Variants in HUWE1 observed in about 807,000 individuals in gnomAD.
HUWE1 encodes the protein E3 ubiquitin-protein ligase HUWE1.
In HUWE1, 18 loss-of-function variants were observed where a neutral mutation model predicts 299.4. The ratio of observed to expected loss-of-function variants is 0.06; its 90% CI spans 0.04 to 0.09. The LOEUF is 0.09. HUWE1 is among the 10% of genes least tolerant of loss of function. HUWE1 has a pLI of 1.00. For synonymous variants in HUWE1, 1,317 were observed against 1,286.1 expected, an observed-to-expected ratio of 1.02 and a Z score of -0.51; for missense variants, 1,832 against 3,462.3, an observed-to-expected ratio of 0.53 and a Z score of 11.82.
intron 28 of HUWE1, among the ~76,000 whole-genome samples, chrX:53,601,652 A>G (rs2064849992): frequency 9.8e-6 from 1 of 101,748 alleles, no homozygotes; most frequent in Non-Finnish European, 2.0e-5. Flanking sequence ...ATTTCTACTT[A>G]CTGAAATTTG....
At chrX:53,594,706 A>G (rs113395709) in intron 30 of HUWE1, 85 bp from the exon 31 acceptor site, 61 of 975,345 alleles carry the variant, frequency 6.3e-5, no homozygotes, top group Non-Finnish European at 8.2e-5. Context: ...AGGCAAGAGT[A>G]AAATTTACAC....
chrX:53,569,732 G>A lies in HUWE1; in HGVS notation c.6408C>T (p.Leu2136=), dbSNP rs782752450. The A allele has an allele frequency of 1.9e-5, 23 of 1,210,560 alleles. No homozygotes were observed. Among genetic ancestry groups the A allele is most frequent in the South Asian group, 1.6e-4 (9 of 56,855 alleles). The part of the protein sequence containing the change: ...KDTPALARLF[L]ASLAAAGSGT... ...CACTCCCTGCAGCAGCCAGGCTTGCGAGGAACAGGCGGGCCAAGGCAGGGG... is the reference window on the plus strand; with the variant it reads ...CACTCCCTGCAGCAGCCAGGCTTGCAAGGAACAGGCGGGCCAAGGCAGGGG... The change falls in exon 48 of 84, where the codon CTC becomes CTT. Residue 2136 remains leucine (L), a synonymous_variant. Transcript: ENST00000262854.
intron 60 of HUWE1, among the ~76,000 whole-genome samples, chrX:53,555,554 T>C (rs1192373849): frequency 4.5e-5 from 5 of 110,445 alleles, no homozygotes; most frequent in Non-Finnish European, 9.5e-5. Flanking sequence ...CTCAAACTCC[T>C]AAGCTCTAGC....
chrX:53,558,775 G>C lies in HUWE1; in HGVS notation c.8040C>G (p.Phe2680Leu). The C allele has an allele frequency of 8.3e-7, 1 of 1,211,312 alleles. No individual in the cohort carries two copies. Among genetic ancestry groups the C allele is most frequent in the Non-Finnish European group, 1.1e-6 (1 of 895,248 alleles). The change falls in exon 59 of 84, where the codon TTC becomes TTG. Residue 2680 changes from phenylalanine to leucine, a missense_variant. Phe to Leu is a conservative substitution (Grantham distance 22). Coordinates refer to ENST00000262854, the MANE Select transcript of HUWE1 (RefSeq NM_031407.7). Reference sequence around the variant, plus strand: ...TTTCTTCCAGCTCCTCATCCCTCAGGAATTCCAGGTGATTGACAATGGACA... The same window carrying C: ...TTTCTTCCAGCTCCTCATCCCTCAGCAATTCCAGGTGATTGACAATGGACA... Reference protein sequence around the residue: ...VKVSIVNHLEFLRDEELEERR... With the variant: ...VKVSIVNHLELLRDEELEERR...
intron 55 of HUWE1, among the ~76,000 whole-genome samples, chrX:53,561,233 G>A (rs1176740211): frequency 8.9e-6 from 1 of 111,947 alleles, no homozygotes; most frequent in Non-Finnish European, 1.9e-5. Context: ...TTGATTCTAA[G>A]AACTCGATTC....
At chrX:53,683,297 A>G (rs966293376) in intron 2 of HUWE1, among the ~76,000 whole-genome samples, 4 of 111,011 alleles carry the variant, frequency 3.6e-5, no homozygotes, top group Admixed American at 1.9e-4. Context: ...GAGGAGGAGT[A>G]CACCAGTGAC....
intron 23 of HUWE1, among the ~76,000 whole-genome samples, chrX:53,611,766 G>A (rs1306135387): frequency 9.1e-6 from 1 of 109,412 alleles, no homozygotes; most frequent in African/African-American, 3.3e-5. Context: ...GCTAAGGACC[G>A]AGAACTGCTT....
intron 63 of HUWE1, 136 bp downstream of exon 63, chrX:53,552,175 C>A (rs938584459): frequency 5.8e-6 from 4 of 691,649 alleles, no homozygotes; most frequent in Non-Finnish European, 9.0e-6. Flanking sequence ...CATACCAGCA[C>A]CCCCGCTTAT....
chrX:53,685,233 T>C (rs931717570), intron 2 of HUWE1, among the ~76,000 whole-genome samples: 3 of 112,085 alleles, frequency 2.7e-5, no homozygotes, highest in East Asian at 2.8e-4. Flanking sequence ...GCCATTTTTT[T>C]CCCCCGGATG....
rs782354156 is a variant in HUWE1, at chrX:53,548,135, A to G, written c.10174T>C (p.Leu3392=). The G allele has an allele frequency of 1.7e-5, 21 of 1,206,793 alleles. No individual in the cohort carries two copies. The highest frequency in any genetic ancestry group is 5.4e-5 in the South Asian group (3 of 56,036). ...ACATTCATGTTGTCCAGTTTTACCA[A>G]TAAGTCCCAGAAGTCTGTGCAAATG... is the stretch of plus-strand genomic sequence containing the variant. The part of the protein sequence containing the change: ...SGICTDFWDL[L]VKLDNMNVSR... The change falls in exon 68 of 84, where the codon TTG becomes CTG. Residue 3392 remains leucine (L), a synonymous_variant. Coordinates refer to ENST00000262854, the MANE Select transcript of HUWE1 (RefSeq NM_031407.7).
intron 53 of HUWE1, 83 bp downstream of exon 53, chrX:53,562,748 G>T: frequency 2.7e-6 from 2 of 733,466 alleles, no homozygotes. Context: ...CATGTGGGCA[G>T]CTGCCTCCAG....
chrX:53,634,657 T>C (rs959408460), intron 7 of HUWE1, among the ~76,000 whole-genome samples: 4 of 112,794 alleles, frequency 3.5e-5, no homozygotes, highest in Non-Finnish European at 7.5e-5. Flanking sequence ...TAGTCACGTG[T>C]GCTGACAGGT....
At chrX:53,679,442 T>C (rs1055972727) in intron 3 of HUWE1, among the ~76,000 whole-genome samples, 2 of 111,979 alleles carry the variant, frequency 1.8e-5, no homozygotes, top group Non-Finnish European at 3.8e-5. Flanking sequence ...TACAAATAAA[T>C]ATGACAGGGA....
chrX:53,616,675 C>T (rs1256298356), intron 21 of HUWE1, among the ~76,000 whole-genome samples: 1 of 111,599 alleles, frequency 9.0e-6, no homozygotes, highest in Non-Finnish European at 1.9e-5. Flanking sequence ...CACCTCAGGA[C>T]TCCATATTTC....
At position 53,645,236 on chromosome X, in the gene HUWE1, C is replaced by T. The variant is rs184373157; in HGVS notation, c.504+75G>A. 102 of 1,065,059 alleles carry T rather than the reference C, an allele frequency of 9.6e-5. 1 individual carries two copies. The Middle Eastern group carries it at 1.3e-3, about 14-fold the overall frequency. The allele number at this position is 1,065,059 out of a possible 1,213,427, so 87.8% of individuals were successfully genotyped here. On this transcript the variant is annotated intron_variant, in intron 7 of 83. Transcript: ENST00000262854. ...TTAGGGATTCTAATATATTTTAACA[C>T]TCCAAGAAACACCTGTTGAAAGGAA...
chrX:53,575,896 G>A, intron 44 of HUWE1, 108 bp from the exon 45 acceptor site: 2 of 821,212 alleles, frequency 2.4e-6, no homozygotes, highest in Non-Finnish European at 3.6e-6. Context: ...AAGTGGCTAT[G>A]ACTGTTTACA....
At chrX:53,632,377 A>G in intron 9 of HUWE1, 110 bp downstream of exon 9, 1 of 576,670 alleles carries the variant, frequency 1.7e-6, no homozygotes, top group South Asian at 2.4e-5. Flanking sequence ...TTGCGAGGGC[A>G]GCAGTGTAGC....
chrX:53,581,088 T>G, intron 42 of HUWE1, 62 bp from the exon 43 acceptor site: 1 of 943,671 alleles, frequency 1.1e-6, no homozygotes, highest in South Asian at 2.2e-5. Context: ...ACAACTGCAG[T>G]CAAGAGTTAC....
rs369048914 is a variant in HUWE1 at position 53,547,728 on chromosome X, G to A, written c.10581C>T (p.Val3527=). 9.6e-5 allele frequency: 116 copies of A among 1,204,794 alleles called. No homozygotes were observed. Among genetic ancestry groups the A allele is most frequent in the Admixed American group, 1.1e-4 (5 of 45,516 alleles). ...TAGTCACTGTGGTCGAAGCAGCTAC[G>A]ACAATGGTGGAAATAGCCGTGGCAG... ...LVAATAISTI[V]VAASTTVTTP... is the part of the protein sequence containing the mutation. The change falls in exon 68 of 84, where the codon GTC becomes GTT. Residue 3527 remains valine, a synonymous_variant. Coordinates refer to ENST00000262854, the MANE Select transcript of HUWE1 (RefSeq NM_031407.7).
Sources: gnomAD v4.1 joint callset for allele counts (sites outside exome capture counted in the v4.1 genomes callset) on GRCh38, gnomAD v4.1.1 for gene constraint, MANE v1.5 for transcripts, NCBI Gene and HGNC (gene_info 2026-07-23, HGNC 2026-07-21) for gene names.